SVIL: variants seen among roughly 807,000 people sequenced by gnomAD.
SVIL encodes the protein archvillin.
A neutral mutation model predicts 240.4 loss-of-function variants in SVIL; 101 were observed. The ratio of observed to expected loss-of-function variants is 0.42; its 90% CI spans 0.36 to 0.50. The LOEUF (loss-of-function observed/expected upper bound fraction) is 0.50. Ranked by LOEUF, SVIL falls within the 20% of genes least tolerant of loss-of-function variation. SVIL has a pLI of 0.01. For synonymous variants in SVIL, 999 were observed against 1,100.0 expected (o/e 0.91, Z 1.82); for missense variants, 2,512 against 2,818.7 (o/e 0.89, Z 2.46).
In SVIL at chr10:29,523,666, C is replaced by G. The variant is rs1222461487; in HGVS notation, c.2948G>C (p.Arg983Thr). 6.2e-7 allele frequency: 1 copy of G among 1,613,960 alleles called. No individual in the cohort carries two copies. Among genetic ancestry groups the G allele is most frequent in the Non-Finnish European group, 8.5e-7 (1 of 1,179,968 alleles). Residue 983 changes from arginine to threonine, a missense_variant, in exon 15 of 38, where the codon AGG (arginine) becomes ACG (threonine). Arg to Thr is a moderately conservative substitution (Grantham distance 71). Around this residue, in one of 3 missense-constraint regions of SVIL, gnomAD observed 1,443 missense variants for 1,486.6 expected, o/e 0.97. Coordinates refer to ENST00000355867, the MANE Select transcript of SVIL (RefSeq NM_021738.3). ...EASYPILNRAREGDSHKESKY... is the reference protein window; with the variant it reads ...EASYPILNRATEGDSHKESKY... ...AGATTCCTTATGGCTGTCTCCTTCC[C>G]TGGCTCGGTTCAGGATGGGGTAGGA...
chr10:29,642,847 A>G (rs1371193271), intron 3 of SVIL, among the ~76,000 whole-genome samples: 1 of 152,034 alleles, frequency 6.6e-6, no homozygotes, highest in East Asian at 1.9e-4. Context: ...CCATGCCTGA[A>G]TAATGTTTTC....
In SVIL at chr10:29,532,866, G is replaced by C. The variant is rs772337197; in HGVS notation, c.1501C>G (p.Gln501Glu). 2 of 1,614,146 alleles carry C rather than the reference G, an allele frequency of 1.2e-6. 1 individual carries two copies. The highest frequency in any genetic ancestry group is 2.2e-5 in the South Asian group (2 of 91,070). Residue 501 changes from glutamine (Q) to glutamate (E), a missense_variant, in exon 8 of 38, where the codon CAA becomes GAA. Around this residue, in one of 3 missense-constraint regions of SVIL, gnomAD observed 1,443 missense variants for 1,486.6 expected, o/e 0.97. Coordinates refer to ENST00000355867, the MANE Select transcript of SVIL (RefSeq NM_021738.3). The part of the protein sequence containing the change: ...KELENVAQPP[Q>E]APHQPTERTG... The stretch of plus-strand genomic sequence containing the variant: ...CTCTCAGTGGGCTGGTGCGGAGCTT[G>C]AGGGGGTTGTGCCACGTTTTCCAGT...
Position 29,557,690 on chromosome 10 carries a change from A to G in SVIL, c.-50-2582T>C, listed in dbSNP as rs79112017. On this transcript the variant is annotated intron_variant, in intron 3 of 37. Coordinates refer to ENST00000355867, the MANE Select transcript of SVIL (RefSeq NM_021738.3). ...TATTTCCCATATTCCAGAAAGAAAG[A>G]TCTAGTTGGGAGACTGTGCAAGCCT... is the stretch of plus-strand genomic sequence containing the variant. Among the ~76,000 whole-genome samples, 1,002 of 152,330 alleles carry G rather than the reference A, an allele frequency of 6.6e-3. 11 individuals are homozygous for G. Among genetic ancestry groups the G allele is most frequent in the African/African-American group, 0.023 (964 of 41,570 alleles).
At chr10:29,732,190 A>C (rs1009741833) in intron 1 of SVIL, among the ~76,000 whole-genome samples, 3 of 149,582 alleles carry the variant, frequency 2.0e-5, no homozygotes, top group African/African-American at 7.4e-5. Context: ...ACATAATGAC[A>C]ATCCCTCTCT....
At chr10:29,562,769 G>GAAAAAAAA (rs34507610) in intron 3 of SVIL, among the ~76,000 whole-genome samples, 102 of 115,714 alleles carry the variant, frequency 8.8e-4, no homozygotes, top group Non-Finnish European at 1.1e-3. Flanking sequence ...TCAAAAAAAA[G>GAAAAAAAA]AAAAAAAAAA....
At chr10:29,598,375 G>T (rs769327894) in intron 1 of SVIL, among the ~76,000 whole-genome samples, 3 of 152,166 alleles carry the variant, frequency 2.0e-5, no homozygotes, top group Non-Finnish European at 4.4e-5. Context: ...ACATTTTATG[G>T]TGTGTGTATT....
At chr10:29,672,434 G>T (rs574677734) in intron 2 of SVIL, among the ~76,000 whole-genome samples, 55 of 144,276 alleles carry the variant, frequency 3.8e-4, no homozygotes, top group African/African-American at 1.5e-3. Flanking sequence ...TGATCACACC[G>T]CTGTGCTTCA....
intron 1 of SVIL, 57 bp from the exon 2 acceptor site, chr10:29,569,369 G>A (rs750533802): frequency 2.0e-5 from 18 of 895,968 alleles, no homozygotes; most frequent in African/African-American, 5.4e-5. Flanking sequence ...TTAAAAATCC[G>A]GTGAGAAAAA....
At chr10:29,473,508 T>C in intron 30 of SVIL, 1 of 331,322 alleles carries the variant, frequency 3.0e-6, no homozygotes, top group Non-Finnish European at 5.5e-6. Flanking sequence ...GAGAAGTGGA[T>C]GATGGCATCT....
chr10:29,564,638 A>G (rs1293403846), intron 2 of SVIL, among the ~76,000 whole-genome samples: 2 of 151,514 alleles, frequency 1.3e-5, no homozygotes, highest in Admixed American at 6.6e-5. Flanking sequence ...TGTAAAAACT[A>G]CAGGGAAAGA....
At chr10:29,617,154 G>A (rs1957456458) in intron 1 of SVIL, among the ~76,000 whole-genome samples, 1 of 152,178 alleles carries the variant, frequency 6.6e-6, no homozygotes, top group African/African-American at 2.4e-5. Context: ...ATCCCTTGAA[G>A]CCCAAAGCTC....
intron 2 of SVIL, among the ~76,000 whole-genome samples, chr10:29,664,527 T>C (rs965368053): frequency 6.6e-6 from 1 of 152,168 alleles, no homozygotes; most frequent in Non-Finnish European, 1.5e-5. Context: ...GCTAATTAAT[T>C]CTCAGCCATC....
intron 1 of SVIL, among the ~76,000 whole-genome samples, chr10:29,594,027 T>C (rs889361662): frequency 1.3e-5 from 2 of 152,158 alleles, no homozygotes; most frequent in African/African-American, 2.4e-5. Context: ...AATCCAAAAT[T>C]GGTTCAGCTC....
chr10:29,571,898 C>T (rs1286430948), intron 1 of SVIL, among the ~76,000 whole-genome samples: 3 of 152,032 alleles, frequency 2.0e-5, no homozygotes, highest in Admixed American at 6.6e-5. Flanking sequence ...CTTGGGGAGG[C>T]GGGATCAAAA....
At chr10:29,591,243 C>T (rs1035191629) in intron 1 of SVIL, among the ~76,000 whole-genome samples, 10 of 152,206 alleles carry the variant, frequency 6.6e-5, no homozygotes, top group South Asian at 6.2e-4. Context: ...TTCTGCATTG[C>T]TGGTTTCTCT....
At chr10:29,567,291 G>A (rs922818281) in intron 2 of SVIL, among the ~76,000 whole-genome samples, 1 of 152,226 alleles carries the variant, frequency 6.6e-6, no homozygotes, top group African/African-American at 2.4e-5. Context: ...TTTTCACAAC[G>A]TGGAATATGC....
chr10:29,646,157 G>A (rs1437965114), intron 3 of SVIL, among the ~76,000 whole-genome samples: 1 of 152,152 alleles, frequency 6.6e-6, no homozygotes, highest in East Asian at 1.9e-4. Context: ...ATGCTCCAGG[G>A]AAAATGACAA....
At chr10:29,655,702 T>C (rs1457346916) in intron 3 of SVIL, among the ~76,000 whole-genome samples, 1 of 152,176 alleles carries the variant, frequency 6.6e-6, no homozygotes, top group Non-Finnish European at 1.5e-5. Context: ...TGTTCACAAA[T>C]ACTGAACAGA....
chr10:29,537,413 A>T (rs184629307), intron 6 of SVIL, among the ~76,000 whole-genome samples: 2 of 152,340 alleles, frequency 1.3e-5, no homozygotes, highest in African/African-American at 2.4e-5. Flanking sequence ...TGCCAAGCAG[A>T]ATATGAACGA....
Sources: allele counts gnomAD v4.1 joint callset (sites outside exome capture counted in the v4.1 genomes callset), GRCh38; gene constraint gnomAD v4.1.1; regional missense constraint gnomAD v4.1.1; transcripts MANE v1.5; gene names NCBI Gene and HGNC (gene_info 2026-07-23, HGNC 2026-07-21).